Variants in PRKDC observed in about 807,000 individuals in gnomAD.
PRKDC encodes the protein DNA-dependent protein kinase catalytic subunit.
PRKDC carries 82 observed loss-of-function variants against 486.9 expected under a neutral mutation model. That is an observed-to-expected ratio of 0.17 (90% confidence interval 0.14 to 0.20). PRKDC has a LOEUF of 0.20. PRKDC is among the 10% of genes least tolerant of loss of function. The pLI is 1.00. For missense variants in PRKDC, 4,504 were observed against 5,038.2 expected (o/e 0.89, Z 3.21); for synonymous variants, 1,895 against 1,837.0 (o/e 1.03, Z -0.81).
At chr8:47,869,310 C>T (rs2088891541) in intron 40 of PRKDC, among the ~76,000 whole-genome samples, 1 of 151,542 alleles carries the variant, frequency 6.6e-6, no homozygotes, top group Non-Finnish European at 1.5e-5. Flanking sequence ...AGGACTTTGT[C>T]TTGCAACTGG....
intron 54 of PRKDC, among the ~76,000 whole-genome samples, chr8:47,848,395 T>TA (rs1180475868): frequency 1.3e-5 from 2 of 152,020 alleles, no homozygotes; most frequent in African/African-American, 4.8e-5. Flanking sequence ...GAAAAGCAAA[T>TA]ACTGCATGTA....
intron 25 of PRKDC, among the ~76,000 whole-genome samples, chr8:47,907,910 C>T (rs985693248): frequency 2.6e-5 from 4 of 152,160 alleles, no homozygotes; most frequent in Admixed American, 6.5e-5. Flanking sequence ...TAAACATATG[C>T]ACTCTACCAA....
chr8:47,841,662 A>C (rs1020401095), intron 54 of PRKDC, among the ~76,000 whole-genome samples: 2 of 152,214 alleles, frequency 1.3e-5, no homozygotes, highest in Non-Finnish European at 2.9e-5. Context: ...TAGAACACTG[A>C]GTAGAGTGAG....
At chr8:47,872,184 T>C (rs1366325693) in intron 40 of PRKDC, among the ~76,000 whole-genome samples, 1 of 152,220 alleles carries the variant, frequency 6.6e-6, no homozygotes, top group African/African-American at 2.4e-5. Context: ...CTTGCTCATG[T>C]GTTTGTTTAT....
rs538720771 is a variant in PRKDC, at chr8:47,936,470, C to T, written c.1161G>A (p.Glu387=). Reference sequence around the variant, plus strand: ...ACATCTGCTTGCAGCGCTGAATGAGCTCAACGTACATGAAGTCAACATCTT... The same window carrying T: ...ACATCTGCTTGCAGCGCTGAATGAGTTCAACGTACATGAAGTCAACATCTT... ...NAKDVDFMYV[E]LIQRCKQMFL... is the part of the protein sequence containing the mutation. Residue 387 remains glutamate, a synonymous_variant, in exon 12 of 86, where the codon GAG becomes GAA. Transcript: ENST00000314191. 22 of 1,613,998 alleles carry T rather than the reference C, an allele frequency of 1.4e-5. No individual in the cohort carries two copies. The South Asian group carries it at 2.2e-4, about 16-fold the overall frequency.
At chr8:47,871,464 T>C (rs1254005671) in intron 40 of PRKDC, among the ~76,000 whole-genome samples, 1 of 152,210 alleles carries the variant, frequency 6.6e-6, no homozygotes, top group Non-Finnish European at 1.5e-5. Context: ...AAAAACATTT[T>C]TTCCTAGAAC....
chr8:47,827,312 C>T (rs373299075), intron 62 of PRKDC, among the ~76,000 whole-genome samples: 4 of 151,740 alleles, frequency 2.6e-5, no homozygotes, highest in East Asian at 1.9e-4. Flanking sequence ...CCAATACTAC[C>T]GATAAACAAT....
At chr8:47,862,280 T>C (rs1374539508) in intron 43 of PRKDC, 93 bp downstream of exon 43, 7 of 1,396,572 alleles carry the variant, frequency 5.0e-6, no homozygotes, top group Non-Finnish European at 6.9e-6. Flanking sequence ...ATCTTTAATA[T>C]AAGATGGTAT....
chr8:47,831,296 G>T (rs949059560), intron 60 of PRKDC, among the ~76,000 whole-genome samples: 10 of 152,238 alleles, frequency 6.6e-5, no homozygotes, highest in Non-Finnish European at 1.5e-4. Context: ...CTGTGGCGGC[G>T]GCGGCTGGCG....
At chr8:47,900,509 A>T (rs773226810) in intron 27 of PRKDC, 42 bp from the exon 28 acceptor site, 69 of 1,473,174 alleles carry the variant, frequency 4.7e-5, no homozygotes, top group Non-Finnish European at 6.0e-5. Context: ...AGAAAACAAT[A>T]AAGCAGAAAG....
chr8:47,830,886 C>T lies in PRKDC; in HGVS notation c.8266-150G>A, dbSNP rs902717752. Reference sequence around the variant, plus strand: ...CAGAGGCTCAGTCGCCGTACTTTACCGTCTAGGGCAAACACTGCATCCAAA... The same window carrying T: ...CAGAGGCTCAGTCGCCGTACTTTACTGTCTAGGGCAAACACTGCATCCAAA... On this transcript the variant is annotated intron_variant, in intron 60 of 85. Transcript: ENST00000314191. 4.8e-5 allele frequency: 42 copies of T among 875,188 alleles called. 1 individual carries two copies. In the Admixed American group the frequency reaches 8.1e-4, roughly 17 times the overall value. The allele number at this position is 875,188 out of a possible 1,614,324, so 54.2% of individuals were successfully genotyped here. A position where few individuals can be genotyped will look rare whatever the true frequency, so the allele number is the denominator to read the frequency against.
intron 40 of PRKDC, among the ~76,000 whole-genome samples, chr8:47,868,802 A>G (rs982361963): frequency 1.3e-5 from 2 of 152,206 alleles, no homozygotes; most frequent in Admixed American, 6.5e-5. Flanking sequence ...TCAATCAGCT[A>G]CACCACTCCT....
intron 73 of PRKDC, among the ~76,000 whole-genome samples, chr8:47,797,788 A>G (rs2087012156): frequency 6.6e-6 from 1 of 152,152 alleles, no homozygotes; most frequent in African/African-American, 2.4e-5. Flanking sequence ...CCCCTCACTC[A>G]TGCTCCCAGA....
At chr8:47,820,122 T>C (rs1287987796) in intron 66 of PRKDC, among the ~76,000 whole-genome samples, 2 of 152,086 alleles carry the variant, frequency 1.3e-5, no homozygotes, top group African/African-American at 4.8e-5. Context: ...AATAGAAAAG[T>C]CTACTCTTGG....
intron 7 of PRKDC, among the ~76,000 whole-genome samples, chr8:47,944,569 G>A (rs1435237641): frequency 6.7e-6 from 1 of 150,126 alleles, no homozygotes; most frequent in African/African-American, 2.5e-5. Context: ...TATGATCTTT[G>A]ACCTCAGCAT....
chr8:47,881,904 T>A lies in PRKDC; in HGVS notation c.4962+8A>T, dbSNP rs767290425. On this transcript the variant is annotated splice_region_variant and intron_variant, in intron 37 of 85. Coordinates refer to ENST00000314191, the MANE Select transcript of PRKDC (RefSeq NM_006904.7). The stretch of plus-strand genomic sequence containing the variant: ...TAAACATGACTGCTTTTTAAAGGAA[T>A]TGAATACCTGTAAAATTTTTGCCAG... The A allele has an allele frequency of 6.3e-7, 1 of 1,598,888 alleles. No homozygotes were observed. Among genetic ancestry groups the A allele is most frequent in the African/African-American group, 1.3e-5 (1 of 74,542 alleles).
intron 78 of PRKDC, among the ~76,000 whole-genome samples, chr8:47,783,222 G>C: frequency 6.7e-6 from 1 of 148,988 alleles, no homozygotes; most frequent in South Asian, 2.1e-4. Flanking sequence ...AGGTTGCAAC[G>C]AGCTGAGAAT....
intron 85 of PRKDC, 118 bp downstream of exon 85, chr8:47,776,726 G>T: frequency 7.5e-7 from 1 of 1,339,762 alleles, no homozygotes; most frequent in Non-Finnish European, 1.0e-6. Context: ...CTCAATGAAA[G>T]CAGAGAAGTC....
chr8:47,938,834 T>C (rs1489087254), intron 11 of PRKDC, among the ~76,000 whole-genome samples: 1 of 152,210 alleles, frequency 6.6e-6, no homozygotes, highest in Admixed American at 6.5e-5. Context: ...AGCGGTGAGA[T>C]GGTGAGATTA....
Sources: gnomAD v4.1 joint callset for allele counts (sites outside exome capture counted in the v4.1 genomes callset) on GRCh38, gnomAD v4.1.1 for gene constraint, MANE v1.5 for transcripts, NCBI Gene and HGNC (gene_info 2026-07-23, HGNC 2026-07-21) for gene names.